The following FAM43B variants were observed in gnomAD, a reference collection of about 807,000 sequenced individuals.
FAM43B encodes protein FAM43B.
FAM43B carries 17 observed loss-of-function variants against 20.1 expected under a neutral mutation model. That is an observed-to-expected ratio of 0.84 (90% CI 0.58 to 1.27). FAM43B has a LOEUF of 1.27. Among genes scored for constraint, FAM43B ranks in the 50% most tolerant of loss-of-function variants. The pLI, the probability that FAM43B is intolerant of heterozygous loss-of-function variation, is 0.00. For synonymous variants in FAM43B, 208 were observed against 238.5 expected, an observed-to-expected ratio of 0.87 and a Z score of 1.18; for missense variants, 512 against 516.7, an observed-to-expected ratio of 0.99 and a Z score of 0.09.
Position 20,554,785 on chromosome 1 carries a change from A to C in FAM43B, c.*822A>C, listed in dbSNP as rs952323272. ...AGAACCTTTGGCAGGTGCTTAGGAC[A>C]CTGACTACCTAGAAAGTAGACGCAG... On this transcript the variant is annotated 3_prime_UTR_variant, in exon 1 of 1. Transcript: ENST00000332947. The C allele has an allele frequency of 6.0e-6, 1 of 167,128 alleles. No homozygotes were observed. The highest frequency in any genetic ancestry group is 1.5e-5 in the Non-Finnish European group (1 of 68,168). The allele number at this position is 167,128 out of a possible 1,614,324, so 10.4% of individuals were successfully genotyped here. A position where few individuals can be genotyped will look rare whatever the true frequency, so the allele number is the denominator to read the frequency against.
At position 20,553,818 on chromosome 1, in the gene FAM43B, TCCCCCAGCGCGAGCGG is replaced by T; in HGVS notation, c.848_863del (p.Pro283ArgfsTer10). The T allele has an allele frequency of 1.4e-6, 2 of 1,458,482 alleles. No homozygotes were observed. Among genetic ancestry groups the T allele is most frequent in the Non-Finnish European group, 1.8e-6 (2 of 1,099,794 alleles). The allele number at this position is 1,458,482 out of a possible 1,614,324, so 90.3% of individuals were successfully genotyped here. Reference sequence around the variant, plus strand: ...GACGCGGAGGAGCAAGAGGGAGGAGTCCCCCAGCGCGAGCGGCCGGAGGTGCTCAGCCTGGCCCGGG... The same window carrying T: ...GACGCGGAGGAGCAAGAGGGAGGAGTCCGGAGGTGCTCAGCCTGGCCCGGG... On this transcript the variant is annotated frameshift_variant, in exon 1 of 1. Coordinates refer to ENST00000332947, the MANE Select transcript of FAM43B (RefSeq NM_207334.3). LOFTEE classifies it high-confidence loss of function. This position sits in a 1 kb window ranked among gnomAD's most constrained non-coding sequence, Gnocchi z 6.5.
chr1:20,553,886 G>T lies in FAM43B; in HGVS notation c.913G>T (p.Ala305Ser). Residue 305 changes from alanine (A) to serine (S), a missense_variant, in exon 1 of 1, where the codon GCC becomes TCC. Ala to Ser is a moderately conservative substitution (Grantham distance 99). Coordinates refer to ENST00000332947, the MANE Select transcript of FAM43B (RefSeq NM_207334.3). This position sits in a 1 kb window ranked among gnomAD's most constrained non-coding sequence, Gnocchi z 6.5. Reference sequence around the variant, plus strand: ...GCTGAGGACGTGCAGCCTGCGGGGCGCCCCGGCGCCCCCGCCGCCCGCGCA... The same window carrying T: ...GCTGAGGACGTGCAGCCTGCGGGGCTCCCCGGCGCCCCCGCCGCCCGCGCA... ...RELRTCSLRG[A>S]PAPPPPAQPR... 7.7e-7 allele frequency: 1 copy of T among 1,299,738 alleles called. No individual in the cohort carries two copies. 80.5% of individuals were successfully genotyped at this position (1,299,738 alleles called of 1,614,324 possible).
Position 20,553,548 on chromosome 1 carries a change from G to A in FAM43B, c.575G>A (p.Arg192His). ...ARAHKARALA[R>H]LLRQTALAAF... is the part of the protein sequence containing the mutation. Reference sequence around the variant, plus strand: ...GCGCACAAGGCGCGCGCCCTGGCCCGCCTGCTCCGCCAGACCGCGCTGGCG... The same window carrying A: ...GCGCACAAGGCGCGCGCCCTGGCCCACCTGCTCCGCCAGACCGCGCTGGCG... The change falls in exon 1 of 1, where the codon CGC (arginine) becomes CAC (histidine). Residue 192 changes from arginine (R) to histidine (H), a missense_variant. Transcript: ENST00000332947. This position sits in a 1 kb window ranked among gnomAD's most constrained non-coding sequence, Gnocchi z 6.5. 7.6e-7 allele frequency: 1 copy of A among 1,307,258 alleles called. No individual in the cohort carries two copies. Among genetic ancestry groups the A allele is most frequent in the Non-Finnish European group, 9.7e-7 (1 of 1,034,970 alleles). 81.0% of individuals were successfully genotyped at this position (1,307,258 alleles called of 1,614,324 possible). A position where few individuals can be genotyped will look rare whatever the true frequency, so the allele number is the denominator to read the frequency against.
Position 20,553,246 on chromosome 1 carries a change from C to T in FAM43B, c.273C>T (p.Thr91=), listed in dbSNP as rs1439338025. Residue 91 remains threonine (T), a synonymous_variant, in exon 1 of 1, where the codon ACC becomes ACT. Coordinates refer to ENST00000332947, the MANE Select transcript of FAM43B (RefSeq NM_207334.3). This position sits in a 1 kb window ranked among gnomAD's most constrained non-coding sequence, Gnocchi z 6.5. ...VTLHAKGDGC[T]DDAVGKIWAR... ...TGCACGCCAAGGGCGACGGCTGCAC[C>T]GACGACGCCGTGGGCAAGATCTGGG... The T allele has an allele frequency of 6.2e-7, 1 of 1,612,848 alleles. No individual in the cohort carries two copies. The highest frequency in any genetic ancestry group is 2.2e-5 in the East Asian group (1 of 44,832).
At position 20,553,951 on chromosome 1, in the gene FAM43B, C is replaced by T; in HGVS notation, c.978C>T (p.Gly326=). 8.2e-7 allele frequency: 1 copy of T among 1,225,458 alleles called. No homozygotes were observed. 75.9% of individuals were successfully genotyped at this position (1,225,458 alleles called of 1,614,324 possible). A position where few individuals can be genotyped will look rare whatever the true frequency, so the allele number is the denominator to read the frequency against. ...AGGCCGGCCCCAGGGAGCGGGCGGGCCAGGCGCGCTGAGAGCCGAAGGACA... is the reference window on the plus strand; with the variant it reads ...AGGCCGGCCCCAGGGAGCGGGCGGGTCAGGCGCGCTGAGAGCCGAAGGACA... ...RWKAGPRERA[G]QAR The change falls in exon 1 of 1, where the codon GGC becomes GGT. Residue 326 remains glycine, a synonymous_variant. Transcript: ENST00000332947. This position sits in a 1 kb window ranked among gnomAD's most constrained non-coding sequence, Gnocchi z 6.5.
At position 20,552,916 on chromosome 1, in the gene FAM43B, C is replaced by A; in HGVS notation, c.-58C>A. The A allele has an allele frequency of 6.3e-7, 1 of 1,584,334 alleles. No homozygotes were observed. Among genetic ancestry groups the A allele is most frequent in the South Asian group, 1.1e-5 (1 of 87,120 alleles). On this transcript the variant is annotated 5_prime_UTR_variant, in exon 1 of 1. Coordinates refer to ENST00000332947, the MANE Select transcript of FAM43B (RefSeq NM_207334.3). The stretch of plus-strand genomic sequence containing the variant: ...TTCTGCGCGCCTTCCCTCCCCCGGT[C>A]TCCCGACAGGACGCCGGTGAGCTCC...
rs1219890349 is a variant in FAM43B at position 20,553,621 on chromosome 1, C to G, written c.648C>G (p.His216Gln). 7 of 1,278,576 alleles carry G rather than the reference C, an allele frequency of 5.5e-6. No homozygotes were observed. Among genetic ancestry groups the G allele is most frequent in the Non-Finnish European group, 6.9e-6 (7 of 1,019,976 alleles). 79.2% of individuals were successfully genotyped at this position (1,278,576 alleles called of 1,614,324 possible). The stretch of plus-strand genomic sequence containing the variant: ...TGCAGCGCCAGAGCGACGCGCGCCA[C>G]GTGCGCCAGCAGCATCTCCGCGCTG... ...KRLQRQSDAR[H>Q]VRQQHLRAGG... Residue 216 changes from histidine to glutamine, a missense_variant, in exon 1 of 1, where the codon CAC (histidine) becomes CAG (glutamine). Transcript: ENST00000332947. This position sits in a 1 kb window ranked among gnomAD's most constrained non-coding sequence, Gnocchi z 6.5.
rs1384448168 is a variant in FAM43B at position 20,552,879 on chromosome 1, AGGGCGGTGGACTTCTGC to A, written c.-93_-77del. Reference sequence around the variant, plus strand: ...GCCCTGCCCAGCTTCTCGCGACTCCAGGGCGGTGGACTTCTGCGCGCCTTCCCTCCCCCGGTCTCCCG... The same window carrying A: ...GCCCTGCCCAGCTTCTCGCGACTCCAGCGCCTTCCCTCCCCCGGTCTCCCG... On this transcript the variant is annotated 5_prime_UTR_variant, in exon 1 of 1. Transcript: ENST00000332947. 1 of 1,442,128 alleles carries A rather than the reference AGGGCGGTGGACTTCTGC, an allele frequency of 6.9e-7. No homozygotes were observed. Among genetic ancestry groups the A allele is most frequent in the African/African-American group, 1.4e-5 (1 of 71,782 alleles). 89.3% of individuals were successfully genotyped at this position (1,442,128 alleles called of 1,614,324 possible).
chr1:20,554,474 T>A lies in FAM43B; in HGVS notation c.*511T>A, dbSNP rs548333011. ...CGGCGGTGGGCAGAGTCCGCTGCTA[T>A]ACACACAGGGAGGAATTCTCACGCC... On this transcript the variant is annotated 3_prime_UTR_variant, in exon 1 of 1. Coordinates refer to ENST00000332947, the MANE Select transcript of FAM43B (RefSeq NM_207334.3). 1.2e-5 allele frequency: 2 copies of A among 167,318 alleles called. No homozygotes were observed. Among genetic ancestry groups the A allele is most frequent in the African/African-American group, 2.4e-5 (1 of 41,526 alleles). The allele number at this position is 167,318 out of a possible 1,614,324, so 10.4% of individuals were successfully genotyped here. A position where few individuals can be genotyped will look rare whatever the true frequency, so the allele number is the denominator to read the frequency against.
In FAM43B at chr1:20,553,521, G is replaced by A; in HGVS notation, c.548G>A (p.Arg183Gln). Residue 183 changes from arginine to glutamine, a missense_variant, in exon 1 of 1, where the codon CGG (arginine) becomes CAG (glutamine). Physicochemically the swap from Arg to Gln is conservative, Grantham distance 43. Transcript: ENST00000332947. This position sits in a 1 kb window ranked among gnomAD's most constrained non-coding sequence, Gnocchi z 6.5. ...CGCTGCCACGCTGTGCTGCTGGCGC[G>A]GGCGCACAAGGCGCGCGCCCTGGCC... is the stretch of plus-strand genomic sequence containing the variant. Reference protein sequence around the residue: ...VLRCHAVLLARAHKARALARL... With the variant: ...VLRCHAVLLAQAHKARALARL... The A allele has an allele frequency of 1.5e-6, 2 of 1,338,010 alleles. No homozygotes were observed. The highest frequency in any genetic ancestry group is 9.5e-7 in the Non-Finnish European group (1 of 1,051,042). 82.9% of individuals were successfully genotyped at this position (1,338,010 alleles called of 1,614,324 possible). A position where few individuals can be genotyped will look rare whatever the true frequency, so the allele number is the denominator to read the frequency against.
At position 20,553,809 on chromosome 1, in the gene FAM43B, AG is replaced by A; in HGVS notation, c.839del (p.Gly280GlufsTer18). On this transcript the variant is annotated frameshift_variant, in exon 1 of 1. Coordinates refer to ENST00000332947, the MANE Select transcript of FAM43B (RefSeq NM_207334.3). LOFTEE classifies it high-confidence loss of function. The surrounding 1 kb of genome is among the most constrained non-coding windows in gnomAD (Gnocchi z 6.5). ...EEEEDDAEEQ[E>X]GGVPQRERPE... ...GAGGAGGACGACGCGGAGGAGCAAG[AG>A]GGAGGAGTCCCCCAGCGCGAGCGGC... 6.8e-7 allele frequency: 1 copy of A among 1,467,598 alleles called. No individual in the cohort carries two copies. Among genetic ancestry groups the A allele is most frequent in the South Asian group, 1.3e-5 (1 of 78,812 alleles). 90.9% of individuals were successfully genotyped at this position (1,467,598 alleles called of 1,614,324 possible). A position where few individuals can be genotyped will look rare whatever the true frequency, so the allele number is the denominator to read the frequency against.
In FAM43B at chr1:20,554,062, G is replaced by T. The variant is rs1473512143; in HGVS notation, c.*99G>T. The stretch of plus-strand genomic sequence containing the variant: ...CTTCGGCTGCCCCGGCCCCCGGCCC[G>T]TGTCTCCCCCGTGGTCTCCGTGTTG... On this transcript the variant is annotated 3_prime_UTR_variant, in exon 1 of 1. Coordinates refer to ENST00000332947, the MANE Select transcript of FAM43B (RefSeq NM_207334.3). 2 of 1,168,538 alleles carry T rather than the reference G, an allele frequency of 1.7e-6. No homozygotes were observed. The highest frequency in any genetic ancestry group is 1.6e-5 in the African/African-American group (1 of 61,670). 72.4% of individuals were successfully genotyped at this position (1,168,538 alleles called of 1,614,324 possible). A position where few individuals can be genotyped will look rare whatever the true frequency, so the allele number is the denominator to read the frequency against.
Position 20,554,049 on chromosome 1 carries a change from C to G in FAM43B, c.*86C>G, listed in dbSNP as rs1465173831. On this transcript the variant is annotated 3_prime_UTR_variant, in exon 1 of 1. Transcript: ENST00000332947. The stretch of plus-strand genomic sequence containing the variant: ...CCGGCCCTGCCCGCTTCGGCTGCCC[C>G]GGCCCCCGGCCCGTGTCTCCCCCGT... 2 of 1,181,368 alleles carry G rather than the reference C, an allele frequency of 1.7e-6. No homozygotes were observed. Among genetic ancestry groups the G allele is most frequent in the Non-Finnish European group, 2.1e-6 (2 of 949,628 alleles). 73.2% of individuals were successfully genotyped at this position (1,181,368 alleles called of 1,614,324 possible). A position where few individuals can be genotyped will look rare whatever the true frequency, so the allele number is the denominator to read the frequency against.
rs1570357583 is a variant in FAM43B, at chr1:20,553,726, C to T, written c.753C>T (p.Ser251=). ...NAKCAYRPPP[S]ERSRGAPRLS... ...AGTGCGCCTACCGGCCGCCGCCGAGCGAGCGCAGCCGCGGGGCGCCGCGCC... is the reference window on the plus strand; with the variant it reads ...AGTGCGCCTACCGGCCGCCGCCGAGTGAGCGCAGCCGCGGGGCGCCGCGCC... The change falls in exon 1 of 1, where the codon AGC becomes AGT. Residue 251 remains serine, a synonymous_variant. Coordinates refer to ENST00000332947, the MANE Select transcript of FAM43B (RefSeq NM_207334.3). The surrounding 1 kb of genome is among the most constrained non-coding windows in gnomAD (Gnocchi z 6.5). 2.1e-6 allele frequency: 3 copies of T among 1,458,346 alleles called. No homozygotes were observed. The highest frequency in any genetic ancestry group is 2.7e-6 in the Non-Finnish European group (3 of 1,101,428). The allele number at this position is 1,458,346 out of a possible 1,614,324, so 90.3% of individuals were successfully genotyped here.
rs1416469762 is a variant in FAM43B, at chr1:20,554,067, TC to T, written c.*109del. 1.7e-6 allele frequency: 2 copies of T among 1,152,096 alleles called. No individual in the cohort carries two copies. Among genetic ancestry groups the T allele is most frequent in the African/African-American group, 1.6e-5 (1 of 61,166 alleles). The allele number at this position is 1,152,096 out of a possible 1,614,324, so 71.4% of individuals were successfully genotyped here. A position where few individuals can be genotyped will look rare whatever the true frequency, so the allele number is the denominator to read the frequency against. On this transcript the variant is annotated 3_prime_UTR_variant, in exon 1 of 1. Transcript: ENST00000332947. ...GCTGCCCCGGCCCCCGGCCCGTGTC[TC>T]CCCCGTGGTCTCCGTGTTGTCCGCC...
chr1:20,553,373 G>T lies in FAM43B; in HGVS notation c.400G>T (p.Gly134Cys). The T allele has an allele frequency of 1.4e-6, 2 of 1,475,842 alleles. No individual in the cohort carries two copies. Among genetic ancestry groups the T allele is most frequent in the Non-Finnish European group, 1.8e-6 (2 of 1,122,336 alleles). 91.4% of individuals were successfully genotyped at this position (1,475,842 alleles called of 1,614,324 possible). A position where few individuals can be genotyped will look rare whatever the true frequency, so the allele number is the denominator to read the frequency against. The change falls in exon 1 of 1, where the codon GGC (glycine) becomes TGC (cysteine). Residue 134 changes from glycine (G) to cysteine (C), a missense_variant. Physicochemically the swap from Gly to Cys is radical, Grantham distance 159. Coordinates refer to ENST00000332947, the MANE Select transcript of FAM43B (RefSeq NM_207334.3). This position sits in a 1 kb window ranked among gnomAD's most constrained non-coding sequence, Gnocchi z 6.5. Reference protein sequence around the residue: ...CERSAAGGSGGRRPAHAYLLP... With the variant: ...CERSAAGGSGCRRPAHAYLLP... ...GCGCAGCGCCGCCGGGGGTTCGGGG[G>T]GCCGCAGGCCGGCGCACGCCTACCT... is the stretch of plus-strand genomic sequence containing the variant.
In FAM43B at chr1:20,553,619, C is replaced by A. The variant is rs1332785226; in HGVS notation, c.646C>A (p.His216Asn). The A allele has an allele frequency of 7.8e-7, 1 of 1,278,490 alleles. No homozygotes were observed. The highest frequency in any genetic ancestry group is 4.2e-5 in the Admixed American group (1 of 23,574). The allele number at this position is 1,278,490 out of a possible 1,614,324, so 79.2% of individuals were successfully genotyped here. A position where few individuals can be genotyped will look rare whatever the true frequency, so the allele number is the denominator to read the frequency against. The change falls in exon 1 of 1, where the codon CAC becomes AAC. Residue 216 changes from histidine (H) to asparagine (N), a missense_variant. Coordinates refer to ENST00000332947, the MANE Select transcript of FAM43B (RefSeq NM_207334.3). The surrounding 1 kb of genome is among the most constrained non-coding windows in gnomAD (Gnocchi z 6.5). The part of the protein sequence containing the change: ...KRLQRQSDAR[H>N]VRQQHLRAGG... ...CCTGCAGCGCCAGAGCGACGCGCGC[C>A]ACGTGCGCCAGCAGCATCTCCGCGC... is the stretch of plus-strand genomic sequence containing the variant.
chr1:20,553,898 C>A lies in FAM43B; in HGVS notation c.925C>A (p.Pro309Thr). ...TCSLRGAPAP[P>T]PPAQPRRWKA... is the part of the protein sequence containing the mutation. The stretch of plus-strand genomic sequence containing the variant: ...CAGCCTGCGGGGCGCCCCGGCGCCC[C>A]CGCCGCCCGCGCAGCCCCGCCGCTG... Residue 309 changes from proline to threonine, a missense_variant, in exon 1 of 1, where the codon CCG becomes ACG. Pro to Thr is a conservative substitution (Grantham distance 38, BLOSUM62 -1). Transcript: ENST00000332947. The surrounding 1 kb of genome is among the most constrained non-coding windows in gnomAD (Gnocchi z 6.5). 1 of 1,275,974 alleles carries A rather than the reference C, an allele frequency of 7.8e-7. No individual in the cohort carries two copies. The highest frequency in any genetic ancestry group is 3.3e-5 in the East Asian group (1 of 30,182). 79.0% of individuals were successfully genotyped at this position (1,275,974 alleles called of 1,614,324 possible). A position where few individuals can be genotyped will look rare whatever the true frequency, so the allele number is the denominator to read the frequency against.
At position 20,553,994 on chromosome 1, in the gene FAM43B, C is replaced by G. The variant is rs566733474; in HGVS notation, c.*31C>G. The stretch of plus-strand genomic sequence containing the variant: ...GAAGGACAGGACTCGCAGCCCCAGG[C>G]CCGACCCGCCAGACTCACAGCCTCC... On this transcript the variant is annotated 3_prime_UTR_variant, in exon 1 of 1. Coordinates refer to ENST00000332947, the MANE Select transcript of FAM43B (RefSeq NM_207334.3). This position sits in a 1 kb window ranked among gnomAD's most constrained non-coding sequence, Gnocchi z 6.5. The G allele has an allele frequency of 7.4e-6, 9 of 1,208,480 alleles. No homozygotes were observed. Among genetic ancestry groups the G allele is most frequent in the Middle Eastern group, 3.3e-4 (1 of 3,050 alleles). The allele number at this position is 1,208,480 out of a possible 1,614,324, so 74.9% of individuals were successfully genotyped here. A position where few individuals can be genotyped will look rare whatever the true frequency, so the allele number is the denominator to read the frequency against.
Sources: gnomAD v4.1 joint callset for allele counts on GRCh38, gnomAD v4.1.1 for gene constraint, Gnocchi (gnomAD v3.1) non-coding constraint, MANE v1.5 for transcripts, NCBI Gene and HGNC (gene_info 2026-07-23, HGNC 2026-07-21) for gene names.